Variants in ADGRE1 observed in about 807,000 individuals in gnomAD.
ADGRE1 encodes EGF-like module receptor 1.
Under a neutral mutation model 102.7 loss-of-function variants are expected in ADGRE1, and 82 were observed. That is an observed-to-expected ratio of 0.80 (90% confidence interval 0.67 to 0.96). The LOEUF (loss-of-function observed/expected upper bound fraction) is 0.96, where lower values mean the gene tolerates loss of function less well. Among genes scored for constraint, ADGRE1 ranks in the 40% least tolerant of loss-of-function variants. The pLI is 0.00. For missense variants in ADGRE1, 1,032 were observed against 1,085.3 expected, an observed-to-expected ratio of 0.95 and a Z score of 0.69; for synonymous variants, 398 against 399.6, an observed-to-expected ratio of 1.00 and a Z score of 0.05.
intron 5 of ADGRE1, chr19:6,898,343 G>A: frequency 1.3e-6 from 2 of 1,598,370 alleles, no homozygotes; most frequent in South Asian, 2.2e-5. Context: ...CAGCCCTGTG[G>A]TCCTAATTCA....
intron 11 of ADGRE1, among the ~76,000 whole-genome samples, chr19:6,915,940 A>AG (rs1167905763): frequency 3.3e-5 from 5 of 150,990 alleles, no homozygotes; most frequent in Non-Finnish European, 5.9e-5. Context: ...AAAAAAAAAA[A>AG]AAAAAACTTA....
At chr19:6,919,295 T>C (rs1191395338) in intron 12 of ADGRE1, among the ~76,000 whole-genome samples, 1 of 151,448 alleles carries the variant, frequency 6.6e-6, no homozygotes, top group Middle Eastern at 3.2e-3. Context: ...TCTCCCAAAG[T>C]GCTGGATTAT....
chr19:6,902,776 G>A (rs888519977), intron 6 of ADGRE1, among the ~76,000 whole-genome samples: 5 of 152,078 alleles, frequency 3.3e-5, no homozygotes, highest in Non-Finnish European at 5.9e-5. Flanking sequence ...TTGGTCTGTC[G>A]CCCAGGCTGG....
At chr19:6,918,759 T>C (rs552402066) in intron 12 of ADGRE1, among the ~76,000 whole-genome samples, 1 of 152,170 alleles carries the variant, frequency 6.6e-6, no homozygotes, top group South Asian at 2.1e-4. Flanking sequence ...TTTTCTTTTT[T>C]TGTCACCCAG....
At chr19:6,906,180 A>G (rs1385138963) in intron 8 of ADGRE1, among the ~76,000 whole-genome samples, 1 of 152,240 alleles carries the variant, frequency 6.6e-6, no homozygotes, top group Non-Finnish European at 1.5e-5. Flanking sequence ...ACATACATCC[A>G]CAATCATATG....
At chr19:6,911,933 A>G (rs1250488329) in intron 10 of ADGRE1, among the ~76,000 whole-genome samples, 1 of 151,746 alleles carries the variant, frequency 6.6e-6, no homozygotes, top group Admixed American at 6.6e-5. Flanking sequence ...ATGTATACAC[A>G]CATCTATGCA....
Position 6,913,805 on chromosome 19 carries a change from T to C in ADGRE1, c.1275T>C (p.Thr425=), listed in dbSNP as rs2144952366. The change falls in exon 11 of 21, where the codon ACT becomes ACC. Residue 425 remains threonine, a synonymous_variant. Transcript: ENST00000312053. ...TTTGGAAACCCTCAGCAAATATCAC[T>C]CCGGCTGTTCGGACGGAATACTTAG... The part of the protein sequence containing the change: ...ASFWKPSANI[T]PAVRTEYLDI... 2 of 1,605,000 alleles carry C rather than the reference T, an allele frequency of 1.2e-6. No individual in the cohort carries two copies. Among genetic ancestry groups the C allele is most frequent in the Middle Eastern group, 1.7e-4 (1 of 6,036 alleles).
intron 17 of ADGRE1, among the ~76,000 whole-genome samples, chr19:6,930,553 A>G (rs1320979397): frequency 2.6e-5 from 4 of 152,244 alleles, no homozygotes; most frequent in African/African-American, 4.8e-5. Context: ...TCAACGAGGT[A>G]TCTGTCCCCT....
intron 17 of ADGRE1, among the ~76,000 whole-genome samples, chr19:6,933,516 T>C (rs2145027311): frequency 6.6e-6 from 1 of 151,984 alleles, no homozygotes; most frequent in South Asian, 2.1e-4. Flanking sequence ...GCCTCTGCGG[T>C]AGCTGGGATT....
At chr19:6,918,250 G>A (rs1394965320) in intron 12 of ADGRE1, among the ~76,000 whole-genome samples, 4 of 152,086 alleles carry the variant, frequency 2.6e-5, no homozygotes, top group Admixed American at 2.6e-4. Context: ...GACCAGCCTG[G>A]CCAACATGGT....
At chr19:6,911,275 T>C (rs899038084) in intron 10 of ADGRE1, among the ~76,000 whole-genome samples, 3 of 152,114 alleles carry the variant, frequency 2.0e-5, no homozygotes, top group African/African-American at 2.4e-5. Flanking sequence ...TTTGGATAGA[T>C]AGAAACTTGT....
At chr19:6,906,299 C>A in intron 8 of ADGRE1, 134 bp from the exon 9 acceptor site, 1 of 689,476 alleles carries the variant, frequency 1.5e-6, no homozygotes, top group East Asian at 2.6e-5. Flanking sequence ...GTGGTTTGTT[C>A]ATTTTCCCCC....
At chr19:6,912,350 G>A (rs779517258) in intron 10 of ADGRE1, among the ~76,000 whole-genome samples, 3 of 152,158 alleles carry the variant, frequency 2.0e-5, no homozygotes, top group East Asian at 3.8e-4. Flanking sequence ...GGTTCAAATC[G>A]TGGTTCTTCC....
chr19:6,901,337 G>A (rs1402316496), intron 5 of ADGRE1, among the ~76,000 whole-genome samples: 1 of 152,120 alleles, frequency 6.6e-6, no homozygotes, highest in Non-Finnish European at 1.5e-5. Context: ...TCTTCATTAG[G>A]CTAGTCAGGG....
Position 6,926,494 on chromosome 19 carries a change from T to A in ADGRE1, c.2115T>A (p.Ser705=). ...TGAAGGTGGTGAATTACTTCAGCTC[T>A]CGCAACATCAAGATGCTGCACATCT... ...RNLKVVNYFS[S]RNIKMLHICA... Residue 705 remains serine, a synonymous_variant, in exon 16 of 21, where the codon TCT becomes TCA. Transcript: ENST00000312053. 6.2e-7 allele frequency: 1 copy of A among 1,614,264 alleles called. No individual in the cohort carries two copies. Among genetic ancestry groups the A allele is most frequent in the Non-Finnish European group, 8.5e-7 (1 of 1,180,052 alleles).
chr19:6,932,924 A>C (rs1424856239), intron 17 of ADGRE1, among the ~76,000 whole-genome samples: 1 of 152,146 alleles, frequency 6.6e-6, no homozygotes, highest in Non-Finnish European at 1.5e-5. Context: ...TGGAAATAAT[A>C]ATTATGATGA....
chr19:6,898,544 A>T, intron 5 of ADGRE1: 2 of 1,529,282 alleles, frequency 1.3e-6, no homozygotes, highest in Non-Finnish European at 9.0e-7. Flanking sequence ...GAACTGAGGC[A>T]CCCAATTTCT....
At chr19:6,920,516 CT>C (rs3053967) in intron 13 of ADGRE1, among the ~76,000 whole-genome samples, 134 of 75,688 alleles carry the variant, frequency 1.8e-3, no homozygotes, top group African/African-American at 2.8e-3. Flanking sequence ...ACCATGCCCG[CT>C]TTTTTTTTTT....
At chr19:6,905,527 AT>A (rs1419613238) in intron 8 of ADGRE1, among the ~76,000 whole-genome samples, 2 of 151,644 alleles carry the variant, frequency 1.3e-5, no homozygotes, top group African/African-American at 4.8e-5. Context: ...TAATTTTTGT[AT>A]TTTTAGTAGA....
Sources: allele counts gnomAD v4.1 joint callset (sites outside exome capture counted in the v4.1 genomes callset), GRCh38; gene constraint gnomAD v4.1.1; transcripts MANE v1.5; gene names NCBI Gene and HGNC (gene_info 2026-07-23, HGNC 2026-07-21).